Variants in CWC15 observed in about 807,000 individuals in gnomAD.
CWC15 encodes the protein CWC15 spliceosome associated protein, also known as spliceosome-associated protein CWC15 homolog.
CWC15 carries 12 observed loss-of-function variants against 28.4 expected under a neutral mutation model. The observed-to-expected ratio is 0.42, with a 90% CI of 0.27 to 0.69. CWC15 has a LOEUF of 0.69. Among genes scored for constraint, CWC15 ranks in the 30% least tolerant of loss-of-function variants. CWC15 has a pLI of 0.23. For missense variants in CWC15, 192 were observed against 271.5 expected, an observed-to-expected ratio of 0.71 and a Z score of 2.06; for synonymous variants, 92 against 88.4, an observed-to-expected ratio of 1.04 and a Z score of -0.23.
At chr11:94,969,096 G>C (rs1857683888) in intron 5 of CWC15, among the ~76,000 whole-genome samples, 1 of 152,118 alleles carries the variant, frequency 6.6e-6, no homozygotes, top group African/African-American at 2.4e-5. Context: ...CCTCTCTGCT[G>C]CTACAATCAA....
At chr11:94,965,688 C>G (rs587608161) in intron 6 of CWC15, among the ~76,000 whole-genome samples, 1 of 152,270 alleles carries the variant, frequency 6.6e-6, no homozygotes, top group South Asian at 2.1e-4. Flanking sequence ...CAGTAAAAAC[C>G]TTGGGCGCGG....
intron 1 of CWC15, 85 bp from the exon 2 acceptor site, chr11:94,972,278 A>G (rs2134104456): frequency 1.5e-6 from 2 of 1,324,726 alleles, no homozygotes; most frequent in Non-Finnish European, 2.1e-6. Context: ...TACTGGTAAA[A>G]TAAGTTCTAA....
intron 5 of CWC15, 75 bp downstream of exon 5, chr11:94,969,914 T>C: frequency 2.6e-6 from 2 of 778,230 alleles, no homozygotes; most frequent in Non-Finnish European, 3.9e-6. Flanking sequence ...AAGAAGATAT[T>C]ACTTATATTC....
intron 2 of CWC15, 116 bp from the exon 3 acceptor site, chr11:94,971,603 A>G (rs968763572): frequency 2.2e-5 from 14 of 627,618 alleles, no homozygotes; most frequent in Non-Finnish European, 3.8e-5. Flanking sequence ...CAAGCAGAAA[A>G]AAGGGAAGTA....
chr11:94,970,493 T>G (rs149760548), intron 4 of CWC15: 1 of 173,530 alleles, frequency 5.8e-6, no homozygotes. Flanking sequence ...ATTTTAACAT[T>G]AACTGATGTG....
chr11:94,967,789 A>G (rs1293675747), intron 5 of CWC15, among the ~76,000 whole-genome samples: 2 of 152,230 alleles, frequency 1.3e-5, no homozygotes, highest in Non-Finnish European at 2.9e-5. Flanking sequence ...AACTTAAATC[A>G]GGAACTATAC....
At chr11:94,972,784 C>T (rs1555096407) in intron 1 of CWC15, among the ~76,000 whole-genome samples, 1 of 152,054 alleles carries the variant, frequency 6.6e-6, no homozygotes, top group Admixed American at 6.5e-5. Flanking sequence ...CTTAAACAAC[C>T]GTTTGTTGAG....
chr11:94,969,868 A>G (rs1393941368), intron 5 of CWC15, 121 bp downstream of exon 5: 2 of 498,294 alleles, frequency 4.0e-6, no homozygotes, highest in Non-Finnish European at 6.8e-6. Context: ...TACAAGTGCT[A>G]TAATATTTAG....
chr11:94,966,493 A>C (rs782373729), intron 5 of CWC15, 80 bp from the exon 6 acceptor site: 8 of 848,318 alleles, frequency 9.4e-6, no homozygotes, highest in South Asian at 7.6e-5. Flanking sequence ...CACTGAAAAA[A>C]AAAACAAAAC....
At chr11:94,972,621 G>A (rs587646004) in intron 1 of CWC15, among the ~76,000 whole-genome samples, 1 of 152,248 alleles carries the variant, frequency 6.6e-6, no homozygotes, top group African/African-American at 2.4e-5. Flanking sequence ...ACCAGACTCT[G>A]TAAGGTTTGC....
At chr11:94,967,336 T>C (rs1555095499) in intron 5 of CWC15, among the ~76,000 whole-genome samples, 3 of 152,200 alleles carry the variant, frequency 2.0e-5, no homozygotes, top group South Asian at 2.1e-4. Flanking sequence ...TCAGTTTCTA[T>C]TTTTATACCT....
chr11:94,973,303 G>GAAAA (rs879992185), intron 1 of CWC15, 195 bp downstream of exon 1: 1 of 151,990 alleles, frequency 6.6e-6, no homozygotes, highest in Non-Finnish European at 1.5e-5. Context: ...TAGGCGAGCT[G>GAAAA]CCTGTACGCT....
At position 94,972,123 on chromosome 11, in the gene CWC15, A is replaced by G. The variant is rs1857730693; in HGVS notation, c.63T>C (p.Gly21=). The change falls in exon 2 of 7, where the codon GGT becomes GGC. Residue 21 remains glycine (G), a synonymous_variant. Transcript: ENST00000279839. ...PARGGRGKGE[G]DLSQLSKQYS... is the part of the protein sequence containing the mutation. ...ACTGCTTTGAAAGTTGGCTCAAATC[A>G]CCTTCTCCTTTTCCCCTTCCACCTC... 6.2e-7 allele frequency: 1 copy of G among 1,613,660 alleles called. No homozygotes were observed. The highest frequency in any genetic ancestry group is 8.5e-7 in the Non-Finnish European group (1 of 1,179,842).
At chr11:94,970,299 T>C in intron 4 of CWC15, 1 of 407,934 alleles carries the variant, frequency 2.5e-6, no homozygotes, top group Non-Finnish European at 4.3e-6. Flanking sequence ...TGAATAATCA[T>C]TAAATTTCAG....
At chr11:94,967,262 G>T (rs587716627) in intron 5 of CWC15, among the ~76,000 whole-genome samples, 10 of 152,104 alleles carry the variant, frequency 6.6e-5, no homozygotes, top group Admixed American at 2.0e-4. Context: ...TCCTGACCTC[G>T]TGATCCGTTC....
At position 94,970,970 on chromosome 11, in the gene CWC15, A is replaced by G; in HGVS notation, c.333+7T>C. ...TATTAGAGATGAAAGGAGGAAACAA[A>G]ACATACATCTGTTAGAGGGTCATCT... is the stretch of plus-strand genomic sequence containing the variant. On this transcript the variant is annotated splice_region_variant and intron_variant, in intron 4 of 6. Transcript: ENST00000279839. The G allele has an allele frequency of 6.2e-7, 1 of 1,606,166 alleles. No individual in the cohort carries two copies. The highest frequency in any genetic ancestry group is 8.5e-7 in the Non-Finnish European group (1 of 1,172,788).
At chr11:94,969,360 G>A (rs587637500) in intron 5 of CWC15, among the ~76,000 whole-genome samples, 27 of 152,164 alleles carry the variant, frequency 1.8e-4, no homozygotes, top group Admixed American at 4.6e-4. Context: ...TCAATCTCCT[G>A]CTGAAATCAA....
At chr11:94,970,839 C>A (rs1205795236) in intron 4 of CWC15, 138 bp downstream of exon 4, 6 of 717,474 alleles carry the variant, frequency 8.4e-6, no homozygotes, top group South Asian at 1.7e-5. Flanking sequence ...TAAAGTTTAG[C>A]ACTGAGGTCA....
At chr11:94,972,531 A>C (rs1171145959) in intron 1 of CWC15, among the ~76,000 whole-genome samples, 1 of 152,176 alleles carries the variant, frequency 6.6e-6, no homozygotes, top group Non-Finnish European at 1.5e-5. Flanking sequence ...AAGAATTATG[A>C]CACTTGACAT....
Sources: gnomAD v4.1 joint callset for allele counts (sites outside exome capture counted in the v4.1 genomes callset) on GRCh38, gnomAD v4.1.1 for gene constraint, MANE v1.5 for transcripts, NCBI Gene and HGNC (gene_info 2026-07-23, HGNC 2026-07-21) for gene names.